AKR1B15: variants seen among roughly 807,000 people sequenced by gnomAD.
AKR1B15 encodes the protein aldo-keto reductase family 1 member B15, also known as estradiol 17-beta-dehydrogenase AKR1B15.
In AKR1B15, 49 loss-of-function variants were observed where a neutral mutation model predicts 38.5. The ratio of observed to expected loss-of-function variants is 1.27; its 90% CI spans 1.01 to 1.62. AKR1B15 has a LOEUF of 1.62. Among genes scored for constraint, AKR1B15 ranks in the 40% most tolerant of loss-of-function variants. The probability of loss-of-function intolerance (pLI) is 0.00; values close to 1 mark genes in which losing one functional copy is unlikely to be tolerated. For missense variants in AKR1B15, 411 were observed against 381.6 expected, an observed-to-expected ratio of 1.08 and a Z score of -0.64; for synonymous variants, 137 against 135.5, an observed-to-expected ratio of 1.01 and a Z score of -0.08.
intron 3 of AKR1B15, among the ~76,000 whole-genome samples, chr7:134,567,539 T>A (rs1250422918): frequency 5.0e-5 from 7 of 138,626 alleles, no homozygotes; most frequent in Admixed American, 3.6e-4. Context: ...AGGCCTCTTG[T>A]GGCTGGTGCT....
In AKR1B15 at chr7:134,564,602, G is replaced by A. The variant is rs756475029; in HGVS notation, c.-18G>A. The stretch of plus-strand genomic sequence containing the variant: ...TGTCAAATTTGTTTCCTCTAGGATC[G>A]AGGCCATCAAGCTACAGATGGTCTT... On this transcript the variant is annotated 5_prime_UTR_variant, in exon 3 of 12. Transcript: ENST00000457545. The A allele has an allele frequency of 1.0e-5, 7 of 694,000 alleles. No individual in the cohort carries two copies. Among genetic ancestry groups the A allele is most frequent in the East Asian group, 8.1e-5 (3 of 37,006 alleles). The allele number at this position is 694,000 out of a possible 1,614,324, so 43.0% of individuals were successfully genotyped here.
chr7:134,567,536 T>C (rs754138739), intron 3 of AKR1B15, among the ~76,000 whole-genome samples: 1 of 143,706 alleles, frequency 7.0e-6, no homozygotes, highest in Non-Finnish European at 1.5e-5. Flanking sequence ...CAAAGGCCTC[T>C]TGTGGCTGGT....
At chr7:134,562,283 G>A (rs919501784) in intron 2 of AKR1B15, among the ~76,000 whole-genome samples, 4 of 152,166 alleles carry the variant, frequency 2.6e-5, no homozygotes, top group Non-Finnish European at 5.9e-5. Flanking sequence ...TTTGAACAGC[G>A]GAAGAACAAT....
intron 1 of AKR1B15, among the ~76,000 whole-genome samples, chr7:134,553,927 A>C (rs1794090781): frequency 6.6e-6 from 1 of 152,220 alleles, no homozygotes; most frequent in Non-Finnish European, 1.5e-5. Context: ...CTGTAGGCCC[A>C]GGCACTGCCG....
chr7:134,571,774 CT>C, intron 6 of AKR1B15, 93 bp downstream of exon 6: 1 of 986,044 alleles, frequency 1.0e-6, no homozygotes, highest in Non-Finnish European at 1.6e-6. Flanking sequence ...GTGCCTGATG[CT>C]TTCTAATTTC....
chr7:134,577,686 G>T lies in AKR1B15; in HGVS notation c.910-18G>T. 6.2e-7 allele frequency: 1 copy of T among 1,612,130 alleles called. No individual in the cohort carries two copies. Among genetic ancestry groups the T allele is most frequent in the Non-Finnish European group, 8.5e-7 (1 of 1,179,006 alleles). On this transcript the variant is annotated intron_variant, in intron 10 of 11. Coordinates refer to ENST00000457545, the MANE Select transcript of AKR1B15 (RefSeq NM_001080538.3). The stretch of plus-strand genomic sequence containing the variant: ...TAACAGCCTTACCGATAATGTATTG[G>T]AATTCTTTCCTTTCTAGGTCTTTGA...
At chr7:134,573,029 A>C (rs1281036255) in intron 6 of AKR1B15, among the ~76,000 whole-genome samples, 1 of 152,176 alleles carries the variant, frequency 6.6e-6, no homozygotes. Flanking sequence ...ATTAATCCAC[A>C]AGCACAGCAT....
intron 1 of AKR1B15, among the ~76,000 whole-genome samples, chr7:134,551,227 C>T (rs1269126701): frequency 6.6e-6 from 1 of 152,214 alleles, no homozygotes; most frequent in East Asian, 1.9e-4. Flanking sequence ...GGCCTCTCTG[C>T]CTATATCCTC....
rs1220046811 is a variant in AKR1B15, at chr7:134,569,453, C to G, written c.359C>G (p.Ala120Gly). The change falls in exon 5 of 12, where the codon GCC (alanine) becomes GGC (glycine). Residue 120 changes from alanine (A) to glycine (G), a missense_variant. Around this residue, in one of 3 missense-constraint regions of AKR1B15, gnomAD observed 254 missense variants for 212.4 expected, o/e 1.20. Coordinates refer to ENST00000457545, the MANE Select transcript of AKR1B15 (RefSeq NM_001080538.3). ...TTTGAGAGACCCCTTGTGAGGAAAG[C>G]CTTTGAGAAGACCCTCAAGGACCTG... ...TFFERPLVRK[A>G]FEKTLKDLKL... 6 of 1,614,042 alleles carry G rather than the reference C, an allele frequency of 3.7e-6. No individual in the cohort carries two copies. The highest frequency in any genetic ancestry group is 5.1e-6 in the Non-Finnish European group (6 of 1,179,976).
chr7:134,575,324 A>T (rs1794743759), intron 6 of AKR1B15, 96 bp from the exon 7 acceptor site: 1 of 1,520,660 alleles, frequency 6.6e-7, no homozygotes, highest in African/African-American at 1.4e-5. Context: ...GTTGCGGTGG[A>T]TCCTTTAGCA....
At position 134,577,668 on chromosome 7, in the gene AKR1B15, C is replaced by G. The variant is rs780634688; in HGVS notation, c.910-36C>G. ...AGTCTCCAGCCACAGCAGTAACAGC[C>G]TTACCGATAATGTATTGGAATTCTT... On this transcript the variant is annotated intron_variant, in intron 10 of 11. Coordinates refer to ENST00000457545, the MANE Select transcript of AKR1B15 (RefSeq NM_001080538.3). The G allele has an allele frequency of 1.2e-5, 20 of 1,604,390 alleles. No homozygotes were observed. The South Asian group carries it at 2.2e-4, about 18-fold the overall frequency.
chr7:134,575,416 A>AT lies in AKR1B15; in HGVS notation c.514-3dup. 6.2e-7 allele frequency: 1 copy of AT among 1,613,678 alleles called. No individual in the cohort carries two copies. The highest frequency in any genetic ancestry group is 8.5e-7 in the Non-Finnish European group (1 of 1,179,734). ...TGCCCATAAGGTATTCCTTTCTATG[A>AT]TAGGCCATGGAGGAGCTGGTGGACG... On this transcript the variant is annotated splice_polypyrimidine_tract_variant and splice_region_variant and intron_variant, in intron 6 of 11. Transcript: ENST00000457545.
At chr7:134,569,004 G>A (rs1562949714) in intron 4 of AKR1B15, among the ~76,000 whole-genome samples, 1 of 152,106 alleles carries the variant, frequency 6.6e-6, no homozygotes, top group Non-Finnish European at 1.5e-5. Context: ...GGCTTGATAA[G>A]GGACCTATCA....
At chr7:134,576,496 G>A (rs1219853661) in intron 9 of AKR1B15, 66 bp downstream of exon 9, 25 of 1,569,974 alleles carry the variant, frequency 1.6e-5, no homozygotes, top group African/African-American at 4.1e-5. Context: ...TTCATTTCTC[G>A]TGTTGTCCTC....
chr7:134,569,784 C>G, intron 5 of AKR1B15: 1 of 393,440 alleles, frequency 2.5e-6, no homozygotes, highest in Non-Finnish European at 4.7e-6. Context: ...ATTTCCTATG[C>G]CTGTCTTTAC....
At chr7:134,576,315 G>C (rs1794767099) in intron 8 of AKR1B15, 34 bp from the exon 9 acceptor site, 3 of 1,596,930 alleles carry the variant, frequency 1.9e-6, no homozygotes, top group Non-Finnish European at 2.6e-6. Context: ...GGTAGCCATG[G>C]TGATTATTCA....
At chr7:134,576,269 T>G in intron 8 of AKR1B15, 80 bp from the exon 9 acceptor site, 1 of 1,451,670 alleles carries the variant, frequency 6.9e-7, no homozygotes, top group Non-Finnish European at 9.6e-7. Context: ...ATGATCAGTC[T>G]TGAGACCCTC....
At chr7:134,569,672 A>T in intron 5 of AKR1B15, 143 bp downstream of exon 5, 1 of 829,132 alleles carries the variant, frequency 1.2e-6, no homozygotes. Context: ...TCCCCACATT[A>T]ATGTTTTTAT....
rs189096602 is a variant in AKR1B15, at chr7:134,562,282, C to T, written c.-22-2316C>T. 4.0e-4 allele frequency among the ~76,000 whole-genome samples: 61 copies of T among 152,304 alleles called. 1 individual carries two copies. In the East Asian group the frequency reaches 9.3e-3, roughly 23 times the overall value. On this transcript the variant is annotated intron_variant, in intron 2 of 11. Coordinates refer to ENST00000457545, the MANE Select transcript of AKR1B15 (RefSeq NM_001080538.3). ...CAGCAGGAAGATTTATTTTGAACAG[C>T]GGAAGAACAATGCTTCCACATCCTG...
Sources: gnomAD v4.1 joint callset for allele counts (sites outside exome capture counted in the v4.1 genomes callset) on GRCh38, gnomAD v4.1.1 for gene constraint, gnomAD v4.1.1 regional missense constraint, MANE v1.5 for transcripts, NCBI Gene and HGNC (gene_info 2026-07-23, HGNC 2026-07-21) for gene names.